Variants in CNTN4 observed in about 807,000 individuals in gnomAD.
The protein encoded by CNTN4 is contactin 4, also known as contactin-4.
CNTN4 carries 77 observed loss-of-function variants against 122.5 expected under a neutral mutation model. The ratio of observed to expected loss-of-function variants is 0.63; its 90% CI spans 0.52 to 0.76. CNTN4 has a LOEUF of 0.76. Ranked by LOEUF, CNTN4 falls within the 30% of genes least tolerant of loss-of-function variation. The pLI is 0.00. For missense variants in CNTN4, 1,256 were observed against 1,259.1 expected (o/e 1.00, Z 0.04); for synonymous variants, 512 against 447.0 (o/e 1.15, Z -1.83).
intron 4 of CNTN4, among the ~76,000 whole-genome samples, chr3:2,627,256 C>G (rs1026438711): frequency 6.6e-6 from 1 of 152,142 alleles, no homozygotes; most frequent in Non-Finnish European, 1.5e-5. Flanking sequence ...TACACATAGA[C>G]AGTAGTTTTT....
intron 3 of CNTN4, among the ~76,000 whole-genome samples, chr3:2,403,568 T>C (rs2046932775): frequency 6.6e-6 from 1 of 152,176 alleles, no homozygotes; most frequent in Non-Finnish European, 1.5e-5. Context: ...AAGCACTGAA[T>C]AATTGTAAAT....
chr3:2,261,057 T>C (rs1227256285), intron 2 of CNTN4, among the ~76,000 whole-genome samples: 1 of 152,164 alleles, frequency 6.6e-6, no homozygotes, highest in Non-Finnish European at 1.5e-5. Flanking sequence ...TATGAAATAC[T>C]GTGTAGCATA....
intron 3 of CNTN4, among the ~76,000 whole-genome samples, chr3:2,413,691 ACAC>A (rs1375379851): frequency 6.6e-6 from 1 of 151,768 alleles, no homozygotes; most frequent in African/African-American, 2.4e-5. Flanking sequence ...TTACAGGCAC[ACAC>A]CACAACACAC....
intron 6 of CNTN4, among the ~76,000 whole-genome samples, chr3:2,797,733 C>G (rs2092232985): frequency 6.6e-6 from 1 of 152,128 alleles, no homozygotes; most frequent in Non-Finnish European, 1.5e-5. Context: ...AGTTTTTAAC[C>G]TTTCACAACT....
At chr3:2,568,368 T>C (rs2079275838) in intron 3 of CNTN4, among the ~76,000 whole-genome samples, 1 of 143,754 alleles carries the variant, frequency 7.0e-6, no homozygotes, top group African/African-American at 2.5e-5. Context: ...CAGTTATTCA[T>C]CTCCTCCTGG....
intron 6 of CNTN4, among the ~76,000 whole-genome samples, chr3:2,754,435 G>C (rs1231496140): frequency 6.6e-6 from 1 of 152,106 alleles, no homozygotes; most frequent in Non-Finnish European, 1.5e-5. Flanking sequence ...CATTATCATG[G>C]TCATGGGCAA....
At chr3:2,304,804 T>A (rs2042644977) in intron 2 of CNTN4, among the ~76,000 whole-genome samples, 2 of 150,760 alleles carry the variant, frequency 1.3e-5, no homozygotes, top group African/African-American at 4.9e-5. Flanking sequence ...GTAATTTATG[T>A]CTCCATTGTA....
chr3:2,154,279 A>G (rs531868587), intron 2 of CNTN4, among the ~76,000 whole-genome samples: 4 of 151,840 alleles, frequency 2.6e-5, no homozygotes, highest in Non-Finnish European at 5.9e-5. Flanking sequence ...CCAGCTACTC[A>G]TGAAGCTGAG....
At chr3:2,165,053 T>A (rs1368735757) in intron 2 of CNTN4, among the ~76,000 whole-genome samples, 1 of 152,180 alleles carries the variant, frequency 6.6e-6, no homozygotes, top group Non-Finnish European at 1.5e-5. Context: ...CCAGGCCTGG[T>A]GGCTCCCGCC....
At chr3:2,491,224 A>C (rs1309156864) in intron 3 of CNTN4, among the ~76,000 whole-genome samples, 1 of 152,194 alleles carries the variant, frequency 6.6e-6, no homozygotes. Context: ...ATTGTGAACA[A>C]ATTCACCCCC....
At chr3:2,459,702 T>A (rs2049131646) in intron 3 of CNTN4, among the ~76,000 whole-genome samples, 1 of 152,048 alleles carries the variant, frequency 6.6e-6, no homozygotes, top group African/African-American at 2.4e-5. Context: ...CTAGAAAGTG[T>A]TTAAGTCTTT....
intron 3 of CNTN4, among the ~76,000 whole-genome samples, chr3:2,543,079 T>G (rs1412106475): frequency 2.0e-5 from 3 of 152,146 alleles, no homozygotes; most frequent in Admixed American, 6.6e-5. Flanking sequence ...GATAAATCTT[T>G]ACCATTTATT....
intron 6 of CNTN4, among the ~76,000 whole-genome samples, chr3:2,795,797 G>A (rs1392461359): frequency 6.6e-6 from 1 of 152,036 alleles, no homozygotes; most frequent in Non-Finnish European, 1.5e-5. Flanking sequence ...TGGGATTACA[G>A]ACGTGAGCCA....
intron 4 of CNTN4, among the ~76,000 whole-genome samples, chr3:2,607,024 C>T (rs1354398394): frequency 6.6e-6 from 1 of 152,162 alleles, no homozygotes; most frequent in Admixed American, 6.5e-5. Context: ...AGTCTCCTAT[C>T]CCCAGGTTTT....
At chr3:2,246,352 A>G (rs1345229836) in intron 2 of CNTN4, among the ~76,000 whole-genome samples, 1 of 152,044 alleles carries the variant, frequency 6.6e-6, no homozygotes, top group Non-Finnish European at 1.5e-5. Flanking sequence ...TAATAAGGAA[A>G]GCATTTTTAA....
intron 3 of CNTN4, among the ~76,000 whole-genome samples, chr3:2,474,535 G>A (rs1575713733): frequency 6.6e-6 from 1 of 152,110 alleles, no homozygotes; most frequent in East Asian, 1.9e-4. Flanking sequence ...TGTAAGTTAT[G>A]TAAAATATAT....
At chr3:2,623,656 G>T (rs970217268) in intron 4 of CNTN4, among the ~76,000 whole-genome samples, 7 of 152,180 alleles carry the variant, frequency 4.6e-5, no homozygotes, top group African/African-American at 1.4e-4. Context: ...GCTCTCTCTG[G>T]TGAAAGGGCA....
chr3:3,037,498 C>A, intron 18 of CNTN4, 170 bp downstream of exon 18: 1 of 877,560 alleles, frequency 1.1e-6, no homozygotes. Flanking sequence ...CAGCTGAACA[C>A]GCAACGGGTT....
intron 2 of CNTN4, among the ~76,000 whole-genome samples, chr3:2,334,749 A>G (rs1164729433): frequency 7.9e-5 from 12 of 152,196 alleles, no homozygotes; most frequent in Non-Finnish European, 1.8e-4. Context: ...CAAAGTAAAG[A>G]GACCACTCTT....
Sources: gnomAD v4.1 joint callset for allele counts (sites outside exome capture counted in the v4.1 genomes callset) on GRCh38, gnomAD v4.1.1 for gene constraint, MANE v1.5 for transcripts, NCBI Gene and HGNC (gene_info 2026-07-23, HGNC 2026-07-21) for gene names.